Variants in NDE1 observed in about 807,000 individuals in gnomAD.
NDE1 encodes nuclear distribution protein nudE homolog 1.
A neutral mutation model predicts 43.4 loss-of-function variants in NDE1; 28 were observed. That is an observed-to-expected ratio of 0.65 (90% confidence interval 0.48 to 0.89). The LOEUF (loss-of-function observed/expected upper bound fraction) is 0.89. Among genes scored for constraint, NDE1 ranks in the 40% least tolerant of loss-of-function variants. The pLI is 0.00. For missense variants in NDE1, 441 were observed against 434.1 expected (o/e 1.02, Z -0.14); for synonymous variants, 184 against 172.0 (o/e 1.07, Z -0.55).
chr16:15,669,844 A>G (rs1309983980), intron 3 of NDE1, among the ~76,000 whole-genome samples: 2 of 152,146 alleles, frequency 1.3e-5, no homozygotes, highest in African/African-American at 4.8e-5. Context: ...TCTAGATGCC[A>G]GTAGCATTCC....
upstream of NDE1, among the ~76,000 whole-genome samples, chr16:15,646,082 G>C (rs1470399149): frequency 1.8e-4 from 28 of 152,246 alleles, no homozygotes; most frequent in Non-Finnish European, 2.9e-4. Flanking sequence ...TCCCAAATAG[G>C]ACTTTAAGGA....
chr16:15,691,151 G>A lies in NDE1; in HGVS notation c.531G>A (p.Arg177=), dbSNP rs757642875. The stretch of plus-strand genomic sequence containing the variant: ...ATCCTTTTTCTGGCACAGATTTGCG[G>A]CAGGAACTGGCCGTGCAGCAGAAGC... The part of the protein sequence containing the change: ...QRLKDEARDL[R]QELAVQQKQE... Residue 177 remains arginine, a synonymous_variant, in exon 6 of 9, where the codon CGG becomes CGA. Transcript: ENST00000396354. 1 of 1,614,042 alleles carries A rather than the reference G, an allele frequency of 6.2e-7. No individual in the cohort carries two copies. The highest frequency in any genetic ancestry group is 8.5e-7 in the Non-Finnish European group (1 of 1,180,008).
Position 15,664,844 on chromosome 16 carries a change from G to T in NDE1, c.66G>T (p.Ala22=). The change falls in exon 2 of 9, where the codon GCG becomes GCT. Residue 22 remains alanine, a synonymous_variant. Transcript: ENST00000396354. The part of the protein sequence containing the change: ...EEEANYWKDL[A]MTYKQRAENT... Reference sequence around the variant, plus strand: ...AAGCTAACTATTGGAAAGATCTGGCGATGACCTACAAACAGAGGTCAGTCC... The same window carrying T: ...AAGCTAACTATTGGAAAGATCTGGCTATGACCTACAAACAGAGGTCAGTCC... 2 of 1,612,766 alleles carry T rather than the reference G, an allele frequency of 1.2e-6. No homozygotes were observed. Among genetic ancestry groups the T allele is most frequent in the Non-Finnish European group, 1.7e-6 (2 of 1,179,226 alleles).
intron 4 of NDE1, among the ~76,000 whole-genome samples, chr16:15,682,105 A>G (rs1474819864): frequency 1.3e-5 from 2 of 152,184 alleles, no homozygotes; most frequent in Non-Finnish European, 2.9e-5. Context: ...ATTTGGCCAA[A>G]TGCTGAATAG....
rs2040715879 is a variant in NDE1 at position 15,725,617 on chromosome 16, C to T, written c.*1366C>T. On this transcript the variant is annotated 3_prime_UTR_variant, in exon 9 of 9. Coordinates refer to ENST00000396354, the MANE Select transcript of NDE1 (RefSeq NM_017668.3). The stretch of plus-strand genomic sequence containing the variant: ...CATTGACAAGGAGGATATGAATGAT[C>T]TTGACACTGCTTATATGAGGGCGGC... The T allele has an allele frequency of 5.0e-6, 2 of 403,718 alleles. No individual in the cohort carries two copies. Among genetic ancestry groups the T allele is most frequent in the Non-Finnish European group, 8.7e-6 (2 of 228,900 alleles). 25.0% of individuals were successfully genotyped at this position (403,718 alleles called of 1,614,324 possible).
chr16:15,680,048 G>T (rs1441116232), intron 4 of NDE1, among the ~76,000 whole-genome samples: 1 of 152,138 alleles, frequency 6.6e-6, no homozygotes, highest in Non-Finnish European at 1.5e-5. Flanking sequence ...GAAAGTGCTG[G>T]GATTACGGGC....
rs531370712 is a variant in NDE1, at chr16:15,725,588, C to G, written c.*1337C>G. The G allele has an allele frequency of 3.4e-5, 14 of 406,748 alleles. No homozygotes were observed. Among genetic ancestry groups the G allele is most frequent in the Admixed American group, 3.2e-4 (8 of 24,788 alleles). 25.2% of individuals were successfully genotyped at this position (406,748 alleles called of 1,614,324 possible). A position where few individuals can be genotyped will look rare whatever the true frequency, so the allele number is the denominator to read the frequency against. ...AGGCTGTTAGCCTACCCCTCCATCT[C>G]TTCCATTGACAAGGAGGATATGAAT... is the stretch of plus-strand genomic sequence containing the variant. On this transcript the variant is annotated 3_prime_UTR_variant, in exon 9 of 9. Coordinates refer to ENST00000396354, the MANE Select transcript of NDE1 (RefSeq NM_017668.3).
intron 1 of NDE1, among the ~76,000 whole-genome samples, chr16:15,658,603 T>G (rs114539201): frequency 0.015 from 2,279 of 152,322 alleles, 59 homozygotes; most frequent in African/African-American, 0.052. Flanking sequence ...AATGCATGTC[T>G]GGAAAAAACA....
At chr16:15,643,439 C>T (rs1164539485) in exon 1 of NDE1, 3 of 451,640 alleles carry the variant, frequency 6.6e-6, no homozygotes, top group South Asian at 1.6e-5. Flanking sequence ...AACCTTGAAG[C>T]GGAGAATGAG....
chr16:15,653,788 G>A (rs1454278364), intron 1 of NDE1, among the ~76,000 whole-genome samples: 1 of 151,338 alleles, frequency 6.6e-6, no homozygotes, highest in Non-Finnish European at 1.5e-5. Flanking sequence ...AGTGCTGTGG[G>A]GCGATCTCGG....
chr16:15,705,534 T>C (rs1433082598), intron 8 of NDE1, among the ~76,000 whole-genome samples: 1 of 152,198 alleles, frequency 6.6e-6, no homozygotes, highest in African/African-American at 2.4e-5. Flanking sequence ...AATAATTATG[T>C]TGGGCTCTGG....
intron 8 of NDE1, among the ~76,000 whole-genome samples, chr16:15,706,225 T>A (rs1308152747): frequency 1.3e-5 from 2 of 152,172 alleles, no homozygotes; most frequent in African/African-American, 4.8e-5. Context: ...CTTGCAGCCC[T>A]ACTAGAGAAC....
chr16:15,689,481 G>A (rs950362170), intron 5 of NDE1, among the ~76,000 whole-genome samples: 2 of 152,194 alleles, frequency 1.3e-5, no homozygotes, highest in Non-Finnish European at 2.9e-5. Flanking sequence ...GACTGAGTCA[G>A]ACCCTGTCTC....
rs1474687828 is a variant in NDE1, at chr16:15,699,579, C to G, written c.947+2719C>G. On this transcript the variant is annotated intron_variant, in intron 8 of 8. Coordinates refer to ENST00000396354, the MANE Select transcript of NDE1 (RefSeq NM_017668.3). ...ATCTGAGAGCCAGGTAGCCAGTGTCCTCTTCTTCATTTCACAGGAGAGAAA... is the reference window on the plus strand; with the variant it reads ...ATCTGAGAGCCAGGTAGCCAGTGTCGTCTTCTTCATTTCACAGGAGAGAAA... 3 of 1,196,954 alleles carry G rather than the reference C, an allele frequency of 2.5e-6. No individual in the cohort carries two copies. In the East Asian group the frequency reaches 1.8e-4, roughly 70 times the overall value. The allele number at this position is 1,196,954 out of a possible 1,614,324, so 74.1% of individuals were successfully genotyped here.
At chr16:15,673,854 G>A (rs981515888) in intron 3 of NDE1, among the ~76,000 whole-genome samples, 5 of 152,136 alleles carry the variant, frequency 3.3e-5, no homozygotes, top group Non-Finnish European at 7.3e-5. Flanking sequence ...GAATAGAATC[G>A]AGAGAGCACG....
At chr16:15,650,900 G>A (rs533850489) in intron 1 of NDE1, among the ~76,000 whole-genome samples, 52 of 152,270 alleles carry the variant, frequency 3.4e-4, no homozygotes, top group African/African-American at 1.0e-3. Context: ...CCGGGAACAC[G>A]TTTGGGGCAG....
At chr16:15,696,902 C>T (rs922917634) in intron 8 of NDE1, 42 bp downstream of exon 8, 8 of 1,604,864 alleles carry the variant, frequency 5.0e-6, no homozygotes, top group Non-Finnish European at 6.8e-6. Context: ...GGGGAGAACC[C>T]GCCTGCCCCA....
chr16:15,678,632 C>G (rs1359759191), intron 4 of NDE1, among the ~76,000 whole-genome samples: 4 of 152,226 alleles, frequency 2.6e-5, no homozygotes, highest in South Asian at 2.1e-4. Context: ...TGAGCCACTG[C>G]GCCCAGCCCA....
chr16:15,718,645 GA>G (rs2040300504), intron 8 of NDE1: 1 of 692,512 alleles, frequency 1.4e-6, no homozygotes, highest in African/African-American at 1.8e-5. Context: ...GCAAAGCTGG[GA>G]TTGGGATGGG....
Sources: gnomAD v4.1 joint callset for allele counts (sites outside exome capture counted in the v4.1 genomes callset) on GRCh38, gnomAD v4.1.1 for gene constraint, MANE v1.5 for transcripts, NCBI Gene and HGNC (gene_info 2026-07-23, HGNC 2026-07-21) for gene names.